PCDHGA6: variants seen among roughly 807,000 people sequenced by gnomAD.
The protein encoded by PCDHGA6 is protocadherin gamma-A6.
PCDHGA6 carries 41 observed loss-of-function variants against 60.6 expected under a neutral mutation model. That is an observed-to-expected ratio of 0.68 (90% CI 0.53 to 0.88). The LOEUF is 0.88. Ranked by LOEUF, PCDHGA6 falls within the 40% of genes least tolerant of loss-of-function variation. The probability of loss-of-function intolerance (pLI) is 0.00; values close to 1 mark genes in which losing one functional copy is unlikely to be tolerated. For synonymous variants in PCDHGA6, 594 were observed against 524.4 expected (o/e 1.13, Z -1.81); for missense variants, 1,312 against 1,203.0 (o/e 1.09, Z -1.34).
intron 1 of PCDHGA6, among the ~76,000 whole-genome samples, chr5:141,488,839 G>A (rs954244872): frequency 2.6e-5 from 4 of 152,206 alleles, no homozygotes; most frequent in African/African-American, 9.6e-5. Flanking sequence ...CAAGGGGGCT[G>A]AATCAACCTG....
intron 1 of PCDHGA6, chr5:141,410,816 A>G (rs2095424614): frequency 1.8e-6 from 1 of 550,516 alleles, no homozygotes; most frequent in African/African-American, 2.1e-5. Flanking sequence ...TTTGTAAAAT[A>G]ATGTCACCAG....
At chr5:141,409,402 C>G (rs2095262140) in intron 1 of PCDHGA6, 2 of 1,613,924 alleles carry the variant, frequency 1.2e-6, no homozygotes, top group Non-Finnish European at 8.5e-7. Context: ...CTTCCAATAA[C>G]TACTACAAAC....
rs530622003 is a variant in PCDHGA6, at chr5:141,437,077, T to G, written c.2425-57730T>G. ...TGATCATTATTTGGTTTGGGCCATA[T>G]AAGAATTGAAACTAACGGCTTAGCT... On this transcript the variant is annotated intron_variant, in intron 1 of 3. Transcript: ENST00000517434. Among the ~76,000 whole-genome samples, 107 of 152,372 alleles carry G rather than the reference T, an allele frequency of 7.0e-4. 1 individual carries two copies. The highest frequency in any genetic ancestry group is 6.4e-3 in the South Asian group (31 of 4,828).
chr5:141,494,394 T>C (rs1437164389), intron 1 of PCDHGA6, among the ~76,000 whole-genome samples: 1 of 152,154 alleles, frequency 6.6e-6, no homozygotes, highest in African/African-American at 2.4e-5. Flanking sequence ...GTTGAATAAA[T>C]TCATTCTAGG....
rs574059424 is a variant in PCDHGA6 at position 141,426,522 on chromosome 5, G to A, written c.2424+50015G>A. On this transcript the variant is annotated intron_variant, in intron 1 of 3. Transcript: ENST00000517434. ...AGAAACAATACTTTACCGTGAACAC[G>A]GAGAATGGGAACATACTTGTGAGTG... is the stretch of plus-strand genomic sequence containing the variant. The A allele has an allele frequency of 4.4e-5, 15 of 341,518 alleles. No individual in the cohort carries two copies. In the East Asian group the frequency reaches 6.0e-4, roughly 14 times the overall value. 21.2% of individuals were successfully genotyped at this position (341,518 alleles called of 1,614,324 possible).
rs778496260 is a variant in PCDHGA6 at position 141,376,289 on chromosome 5, C to T, written c.2206C>T (p.Pro736Ser). Residue 736 changes from proline (P) to serine (S), a missense_variant, in exon 1 of 4, where the codon CCC becomes TCC. Coordinates refer to ENST00000517434, the MANE Select transcript of PCDHGA6 (RefSeq NM_018919.3). ...QASGGGLASM[P>S]GSHFVGVEGV... is the part of the protein sequence containing the mutation. ...TTCGGGAGGTGGCTTAGCGAGCATGCCCGGCTCGCACTTTGTGGGCGTGGA... is the reference window on the plus strand; with the variant it reads ...TTCGGGAGGTGGCTTAGCGAGCATGTCCGGCTCGCACTTTGTGGGCGTGGA... 3.7e-6 allele frequency: 6 copies of T among 1,614,060 alleles called. No homozygotes were observed. The highest frequency in any genetic ancestry group is 5.1e-6 in the Non-Finnish European group (6 of 1,180,046).
intron 2 of PCDHGA6, among the ~76,000 whole-genome samples, chr5:141,503,780 T>G (rs779791247): frequency 7.2e-5 from 11 of 152,124 alleles, no homozygotes; most frequent in Non-Finnish European, 1.3e-4. Flanking sequence ...GTTCTTAGGC[T>G]GAGTTCATCT....
In PCDHGA6 at chr5:141,511,197, C is replaced by A; in HGVS notation, c.*24C>A. 1 of 1,613,140 alleles carries A rather than the reference C, an allele frequency of 6.2e-7. No individual in the cohort carries two copies. Among genetic ancestry groups the A allele is most frequent in the Non-Finnish European group, 8.5e-7 (1 of 1,179,524 alleles). Reference sequence around the variant, plus strand: ...AACATGGAGGCCAGGCCAAGAGCCACAGGGCGGCCTCTCCCCAACCAGCCC... The same window carrying A: ...AACATGGAGGCCAGGCCAAGAGCCAAAGGGCGGCCTCTCCCCAACCAGCCC... On this transcript the variant is annotated 3_prime_UTR_variant, in exon 4 of 4. Transcript: ENST00000517434.
chr5:141,506,688 T>G (rs114532236), intron 3 of PCDHGA6, among the ~76,000 whole-genome samples: 2,113 of 152,334 alleles, frequency 0.014, 37 homozygotes, highest in African/African-American at 0.048. Flanking sequence ...TTATCTTTGC[T>G]GACCCAAACC....
At chr5:141,394,251 G>A (rs1380359596) in intron 1 of PCDHGA6, 1 of 1,613,744 alleles carries the variant, frequency 6.2e-7, no homozygotes, top group Non-Finnish European at 8.5e-7. Flanking sequence ...ACACGACCCC[G>A]ACAGCCAGGA....
rs780491756 is a variant in PCDHGA6 at position 141,375,972 on chromosome 5, G to A, written c.1889G>A (p.Arg630His). ...GLHTGEVRTA[R>H]ALLDRDALKQ... ...CACACGGGCGAGGTGCGCACGGCGC[G>A]CGCCCTGCTGGACAGAGACGCGCTC... is the stretch of plus-strand genomic sequence containing the variant. The change falls in exon 1 of 4, where the codon CGC (arginine) becomes CAC (histidine). Residue 630 changes from arginine (R) to histidine (H), a missense_variant. Physicochemically the swap from Arg to His is conservative, Grantham distance 29. Transcript: ENST00000517434. 9.9e-6 allele frequency: 16 copies of A among 1,613,336 alleles called. No homozygotes were observed. In the Admixed American group the frequency reaches 1.0e-4, roughly 10 times the overall value.
At chr5:141,384,945 C>T in intron 1 of PCDHGA6, 2 of 1,614,120 alleles carry the variant, frequency 1.2e-6, no homozygotes, top group Non-Finnish European at 1.7e-6. Context: ...AGCCCTCCGA[C>T]GGTCCTTACA....
At chr5:141,405,008 G>A in intron 1 of PCDHGA6, 1 of 1,614,000 alleles carries the variant, frequency 6.2e-7, no homozygotes, top group Non-Finnish European at 8.5e-7. Context: ...AGACCTGGAG[G>A]CCTCAGACCT....
Position 141,485,790 on chromosome 5 carries a change from C to G in PCDHGA6, c.2425-9017C>G. 6.2e-7 allele frequency: 1 copy of G among 1,614,204 alleles called. No homozygotes were observed. The highest frequency in any genetic ancestry group is 8.5e-7 in the Non-Finnish European group (1 of 1,180,032). ...AAGCCTTTGGATCGAGAGAAGCAAT[C>G]GGACTACCGCCTGGTGCTGACTGCT... On this transcript the variant is annotated intron_variant, in intron 1 of 3. Transcript: ENST00000517434. This position sits in a 1 kb window ranked among gnomAD's most constrained non-coding sequence, Gnocchi z 5.7.
At chr5:141,462,020 T>G (rs1371390043) in intron 1 of PCDHGA6, among the ~76,000 whole-genome samples, 6 of 152,110 alleles carry the variant, frequency 3.9e-5, no homozygotes, top group Non-Finnish European at 8.8e-5. Flanking sequence ...ACGGGGTTTC[T>G]TCATGTTGGT....
intron 1 of PCDHGA6, among the ~76,000 whole-genome samples, chr5:141,448,573 AT>A (rs976781630): frequency 1.3e-5 from 2 of 151,652 alleles, no homozygotes; most frequent in East Asian, 1.9e-4. Flanking sequence ...TTATTTCCCC[AT>A]TTTTTTTACA....
chr5:141,394,836 T>C (rs116789057), intron 1 of PCDHGA6: 14 of 1,613,630 alleles, frequency 8.7e-6, no homozygotes, highest in South Asian at 1.1e-5. Flanking sequence ...CCTGACCGAG[T>C]TGGGCAGTCT....
chr5:141,418,696 T>C, intron 1 of PCDHGA6: 1 of 1,614,034 alleles, frequency 6.2e-7, no homozygotes, highest in Non-Finnish European at 8.5e-7. Context: ...AGATCACTTA[T>C]TCCTTCTTTG....
chr5:141,446,775 T>C (rs1175892018), intron 1 of PCDHGA6, among the ~76,000 whole-genome samples: 2 of 152,188 alleles, frequency 1.3e-5, no homozygotes, highest in Admixed American at 6.5e-5. Context: ...CCGGTTACCA[T>C]TCTTTTACTC....
Sources: allele counts gnomAD v4.1 joint callset (sites outside exome capture counted in the v4.1 genomes callset), GRCh38; gene constraint gnomAD v4.1.1; non-coding constraint Gnocchi (gnomAD v3.1); transcripts MANE v1.5; gene names NCBI Gene and HGNC (gene_info 2026-07-23, HGNC 2026-07-21).